The following LARP1 variants were observed in gnomAD, a reference collection of about 807,000 sequenced individuals.
LARP1 encodes La ribonucleoprotein 1, translational regulator.
Under a neutral mutation model 122.7 loss-of-function variants are expected in LARP1, and 36 were observed. The ratio of observed to expected loss-of-function variants is 0.29; its 90% confidence interval spans 0.22 to 0.39. The LOEUF (loss-of-function observed/expected upper bound fraction) is 0.39. Ranked by LOEUF, LARP1 falls within the 10% of genes least tolerant of loss-of-function variation. The probability of loss-of-function intolerance (pLI) is 1.00; values close to 1 mark genes in which losing one functional copy is unlikely to be tolerated. For missense variants in LARP1, 1,040 were observed against 1,403.6 expected (o/e 0.74, Z 4.14); for synonymous variants, 539 against 528.7 (o/e 1.02, Z -0.27).
intron 1 of LARP1, among the ~76,000 whole-genome samples, chr5:154,733,946 A>G (rs942292689): frequency 2.0e-5 from 3 of 152,018 alleles, no homozygotes; most frequent in Admixed American, 6.6e-5. Context: ...CGGGTGGATC[A>G]CCTGAGTTCG....
At chr5:154,730,568 G>T (rs1337652432) in intron 1 of LARP1, among the ~76,000 whole-genome samples, 3 of 151,902 alleles carry the variant, frequency 2.0e-5, no homozygotes, top group African/African-American at 7.3e-5. Flanking sequence ...TGCCTCCCGG[G>T]TTCAAGTCAT....
chr5:154,751,179 G>C (rs1753468625), upstream of LARP1, among the ~76,000 whole-genome samples: 1 of 152,182 alleles, frequency 6.6e-6, no homozygotes, highest in South Asian at 2.1e-4. Context: ...GGGAAGAGAA[G>C]TAGGCTGTAC....
chr5:154,727,555 G>A (rs1239862282), intron 1 of LARP1, among the ~76,000 whole-genome samples: 2 of 152,068 alleles, frequency 1.3e-5, no homozygotes, highest in African/African-American at 4.8e-5. Context: ...TTAGATGGGA[G>A]GATTCAGTTT....
rs111299756 is a variant in LARP1, at chr5:154,761,527, G to A, written c.436+5334G>A. Among the ~76,000 whole-genome samples, 152 of 152,308 alleles carry A rather than the reference G, an allele frequency of 1.0e-3. 1 individual carries two copies. Among genetic ancestry groups the A allele is most frequent in the African/African-American group, 3.6e-3 (148 of 41,564 alleles). On this transcript the variant is annotated intron_variant, in intron 1 of 18. Transcript: ENST00000518297. ...CCTCTTTAAGATGGAGAGCTTGGCAGATGGGAGTTCCCCTGTTTGCAAAAC... is the reference window on the plus strand; with the variant it reads ...CCTCTTTAAGATGGAGAGCTTGGCAAATGGGAGTTCCCCTGTTTGCAAAAC...
intron 1 of LARP1, among the ~76,000 whole-genome samples, chr5:154,691,486 C>T (rs1442684388): frequency 6.6e-6 from 1 of 152,186 alleles, no homozygotes; most frequent in Non-Finnish European, 1.5e-5. Context: ...GAAGCACGAG[C>T]TGCGCGCAGG....
At chr5:154,812,156 C>A (rs891931798) in intron 18 of LARP1, among the ~76,000 whole-genome samples, 2 of 152,114 alleles carry the variant, frequency 1.3e-5, no homozygotes, top group Non-Finnish European at 2.9e-5. Context: ...TCTCTGTGCT[C>A]GGTGCTTTAG....
chr5:154,762,695 T>TGATTC (rs1302024346), intron 1 of LARP1, among the ~76,000 whole-genome samples: 1 of 152,218 alleles, frequency 6.6e-6, no homozygotes, highest in African/African-American at 2.4e-5. Context: ...TAAACCTAGA[T>TGATTC]GATTCCTCCA....
chr5:154,691,391 G>A (rs1027962325), intron 1 of LARP1, among the ~76,000 whole-genome samples: 7 of 152,352 alleles, frequency 4.6e-5, no homozygotes, highest in African/African-American at 1.7e-4. Flanking sequence ...GGCCGCGGAG[G>A]TTAAAACTGG....
intron 1 of LARP1, among the ~76,000 whole-genome samples, chr5:154,746,375 G>T (rs1753200867): frequency 6.6e-6 from 1 of 152,148 alleles, no homozygotes; most frequent in African/African-American, 2.4e-5. Context: ...ATTTCCTTTT[G>T]CCCCAATTTT....
intron 1 of LARP1, among the ~76,000 whole-genome samples, chr5:154,742,708 C>G (rs1334358679): frequency 1.6e-5 from 2 of 124,270 alleles, no homozygotes; most frequent in Non-Finnish European, 3.3e-5. Context: ...CCAGCCTGGG[C>G]AACAGAGTCA....
chr5:154,797,624 C>A (rs1757991160), intron 8 of LARP1, among the ~76,000 whole-genome samples: 1 of 151,336 alleles, frequency 6.6e-6, no homozygotes, highest in Admixed American at 6.6e-5. Flanking sequence ...AATCTTAATT[C>A]CTAATGATAC....
At chr5:154,796,353 C>CA (rs1757852132) in intron 8 of LARP1, among the ~76,000 whole-genome samples, 1 of 150,838 alleles carries the variant, frequency 6.6e-6, no homozygotes, top group South Asian at 2.1e-4. Context: ...CCTGTCTCTA[C>CA]AAAAAACTAA....
At chr5:154,760,999 C>T (rs1044833461) in intron 1 of LARP1, among the ~76,000 whole-genome samples, 1 of 152,100 alleles carries the variant, frequency 6.6e-6, no homozygotes, top group Non-Finnish European at 1.5e-5. Context: ...TATTGTGCAC[C>T]CCCACCTAAG....
intron 7 of LARP1, among the ~76,000 whole-genome samples, chr5:154,794,948 TC>T (rs1757628488): frequency 6.6e-6 from 1 of 152,228 alleles, no homozygotes; most frequent in African/African-American, 2.4e-5. Context: ...GACAGGCATG[TC>T]GAGGGGCTTA....
intron 1 of LARP1, among the ~76,000 whole-genome samples, chr5:154,742,920 C>T (rs183973450): frequency 1.3e-5 from 2 of 152,234 alleles, no homozygotes; most frequent in African/African-American, 4.8e-5. Flanking sequence ...CATCTCACAG[C>T]CTGCTACTGC....
chr5:154,760,032 C>T (rs887597283), intron 1 of LARP1, among the ~76,000 whole-genome samples: 4 of 150,702 alleles, frequency 2.7e-5, no homozygotes, highest in South Asian at 2.1e-4. Context: ...CTCCACCTCC[C>T]GGGTTCAAGC....
At chr5:154,790,611 C>A (rs1033721531) in intron 2 of LARP1, 34 bp from the exon 3 acceptor site, 2 of 1,611,578 alleles carry the variant, frequency 1.2e-6, no homozygotes, top group Non-Finnish European at 1.7e-6. Context: ...GACAGGGTCA[C>A]TCCTGGGGCC....
chr5:154,815,087 C>G lies in LARP1; in HGVS notation c.*991C>G, dbSNP rs558175972. ...TGGAGTCAACCCGAAGAGCTCCCAC[C>G]TTCTCTGGATGTGCCTGGGCTTGGA... is the stretch of plus-strand genomic sequence containing the variant. On this transcript the variant is annotated 3_prime_UTR_variant, in exon 19 of 19. Coordinates refer to ENST00000518297, the MANE Select transcript of LARP1 (RefSeq NM_033551.3). 2.6e-5 allele frequency: 4 copies of G among 152,508 alleles called. No homozygotes were observed. The highest frequency in any genetic ancestry group is 5.9e-5 in the Non-Finnish European group (4 of 68,004). 9.4% of individuals were successfully genotyped at this position (152,508 alleles called of 1,614,324 possible).
At chr5:154,789,098 C>T (rs1195396553) in intron 1 of LARP1, among the ~76,000 whole-genome samples, 1 of 151,782 alleles carries the variant, frequency 6.6e-6, no homozygotes, top group Non-Finnish European at 1.5e-5. Context: ...GCAGTCCCAG[C>T]TACTTGGGAG....
Sources: allele counts gnomAD v4.1 joint callset (sites outside exome capture counted in the v4.1 genomes callset), GRCh38; gene constraint gnomAD v4.1.1; transcripts MANE v1.5; gene names NCBI Gene and HGNC (gene_info 2026-07-23, HGNC 2026-07-21).